HDGFL2: variants seen among roughly 807,000 people sequenced by gnomAD.
HDGFL2 encodes the protein HDGF like 2.
Under a neutral mutation model 77.1 loss-of-function variants are expected in HDGFL2, and 36 were observed. The observed-to-expected ratio is 0.47, with a 90% CI of 0.36 to 0.62. The LOEUF is 0.62. Among genes scored for constraint, HDGFL2 ranks in the 20% least tolerant of loss-of-function variants. The probability of loss-of-function intolerance (pLI) is 0.00; values close to 1 mark genes in which losing one functional copy is unlikely to be tolerated. For synonymous variants in HDGFL2, 463 were observed against 413.1 expected, an observed-to-expected ratio of 1.12 and a Z score of -1.46; for missense variants, 976 against 973.4, an observed-to-expected ratio of 1.00 and a Z score of -0.04.
In HDGFL2 at chr19:4,493,998, G is replaced by A. The variant is rs910171934; in HGVS notation, c.855G>A (p.Pro285=). ...RGRKPAEKPL[P]KPRGRKPKPE... is the part of the protein sequence containing the mutation. ...TTCCTGTAGCGGAGAAGCCTCTCCCGAAGCCGCGAGGGCGGAAACCGAAGC... is the reference window on the plus strand; with the variant it reads ...TTCCTGTAGCGGAGAAGCCTCTCCCAAAGCCGCGAGGGCGGAAACCGAAGC... The change falls in exon 8 of 16, where the codon CCG becomes CCA. Residue 285 remains proline (P), a synonymous_variant. Transcript: ENST00000616600. 5 of 1,610,978 alleles carry A rather than the reference G, an allele frequency of 3.1e-6. No homozygotes were observed. The highest frequency in any genetic ancestry group is 4.5e-5 in the East Asian group (2 of 44,762).
chr19:4,501,973 C>G lies in HDGFL2; in HGVS notation c.1979C>G (p.Ala660Gly). ...AGCGACCGGCAGGAGCGCGAGAGGGCACGGGGGGACTCGGAGGCCCTGGAC... is the reference window on the plus strand; with the variant it reads ...AGCGACCGGCAGGAGCGCGAGAGGGGACGGGGGGACTCGGAGGCCCTGGAC... ...PGSDRQERER[A>G]RGDSEALDEE... Residue 660 changes from alanine to glycine, a missense_variant, in exon 16 of 16, where the codon GCA becomes GGA. Physicochemically the swap from Ala to Gly is moderately conservative, Grantham distance 60 (BLOSUM62 0). Transcript: ENST00000616600. 1 of 1,512,262 alleles carries G rather than the reference C, an allele frequency of 6.6e-7. No individual in the cohort carries two copies. The highest frequency in any genetic ancestry group is 1.3e-5 in the South Asian group (1 of 79,294). The allele number at this position is 1,512,262 out of a possible 1,614,324, so 93.7% of individuals were successfully genotyped here.
In HDGFL2 at chr19:4,498,374, C is replaced by T; in HGVS notation, c.1471C>T (p.Pro491Ser). 3 of 1,612,246 alleles carry T rather than the reference C, an allele frequency of 1.9e-6. 1 individual carries two copies. The highest frequency in any genetic ancestry group is 2.5e-6 in the Non-Finnish European group (3 of 1,178,626). The change falls in exon 12 of 16, where the codon CCG becomes TCG. Residue 491 changes from proline (P) to serine (S), a missense_variant and splice_region_variant. Physicochemically the swap from Pro to Ser is moderately conservative, Grantham distance 74 (BLOSUM62 -1). Around this residue, in one of 5 missense-constraint regions of HDGFL2, gnomAD observed 46 missense variants for 81.3 expected, o/e 0.57. Coordinates refer to ENST00000616600, the MANE Select transcript of HDGFL2 (RefSeq NM_001001520.3). ...CAAGTTTGCCCTAAAGGTCGACAGCCCGGTAAGACCCTCAGGGCCTGTGAG... is the reference window on the plus strand; with the variant it reads ...CAAGTTTGCCCTAAAGGTCGACAGCTCGGTAAGACCCTCAGGGCCTGTGAG... ...EIKFALKVDS[P>S]DVKRCLNALE...
intron 1 of HDGFL2, among the ~76,000 whole-genome samples, chr19:4,473,880 G>A (rs777550512): frequency 3.4e-4 from 52 of 151,946 alleles, no homozygotes; most frequent in Non-Finnish European, 6.9e-4. Context: ...TGCTTGAAAT[G>A]GAGACAGGCC....
chr19:4,475,689 C>A, intron 3 of HDGFL2, 106 bp downstream of exon 3: 1 of 1,359,100 alleles, frequency 7.4e-7, no homozygotes, highest in Non-Finnish European at 9.7e-7. Flanking sequence ...GGGGCTCGAT[C>A]GTTCCCTGTG....
intron 13 of HDGFL2, among the ~76,000 whole-genome samples, chr19:4,499,277 C>T (rs531440031): frequency 3.3e-5 from 5 of 151,280 alleles, no homozygotes; most frequent in Non-Finnish European, 7.4e-5. Flanking sequence ...AGCTGGGAGG[C>T]GGAGGTTGCA....
chr19:4,472,539 C>A, intron 1 of HDGFL2, 117 bp downstream of exon 1: 2 of 257,046 alleles, frequency 7.8e-6, no homozygotes, highest in Non-Finnish European at 5.9e-6. Flanking sequence ...AGCTGCGCCC[C>A]GGGGGTCTGG....
At chr19:4,493,519 G>A (rs1002955530) in intron 6 of HDGFL2, among the ~76,000 whole-genome samples, 184 bp from the exon 7 acceptor site, 1 of 152,112 alleles carries the variant, frequency 6.6e-6, no homozygotes, top group African/African-American at 2.4e-5. Context: ...GGCCGCCTGG[G>A]ATCCCGGTTT....
rs750243070 is a variant in HDGFL2 at position 4,499,508 on chromosome 19, G to C, written c.1593G>C (p.Ala531=). ...ATLKKIRRYK[A]NKDVMEKAAE... is the part of the protein sequence containing the mutation. ...GTGGCCAGATTCGCCGTTACAAAGC[G>C]AACAAGGACGTAATGGAGAAGGCAG... The change falls in exon 14 of 16, where the codon GCG becomes GCC. Residue 531 remains alanine, a synonymous_variant. Coordinates refer to ENST00000616600, the MANE Select transcript of HDGFL2 (RefSeq NM_001001520.3). 2 of 1,613,536 alleles carry C rather than the reference G, an allele frequency of 1.2e-6. No homozygotes were observed. The highest frequency in any genetic ancestry group is 1.7e-6 in the Non-Finnish European group (2 of 1,179,936).
chr19:4,497,489 G>A, intron 10 of HDGFL2: 1 of 304,884 alleles, frequency 3.3e-6, no homozygotes, highest in Admixed American at 4.8e-5. Context: ...GAGCCACCGT[G>A]CTTGGTCCCC....
intron 15 of HDGFL2, chr19:4,501,605 G>A (rs1430673797): frequency 8.3e-6 from 4 of 479,142 alleles, no homozygotes; most frequent in African/African-American, 2.0e-5. Context: ...TAGGCCCCGA[G>A]CACGGGCACC....
chr19:4,495,077 G>T (rs549834530), intron 9 of HDGFL2, among the ~76,000 whole-genome samples: 5 of 152,242 alleles, frequency 3.3e-5, no homozygotes, highest in African/African-American at 1.2e-4. Context: ...AAAGGCTTGC[G>T]TTTGGGTTTA....
chr19:4,482,856 G>A (rs1975254691), intron 3 of HDGFL2, among the ~76,000 whole-genome samples: 1 of 152,084 alleles, frequency 6.6e-6, no homozygotes, highest in African/African-American at 2.4e-5. Context: ...TCCTGGGTTC[G>A]TGGCACTCAC....
chr19:4,499,382 T>C, intron 13 of HDGFL2, 109 bp from the exon 14 acceptor site: 1 of 870,888 alleles, frequency 1.1e-6, no homozygotes, highest in Non-Finnish European at 1.8e-6. Context: ...CACAGAGCTG[T>C]GCTCCCGGGA....
chr19:4,484,390 A>T (rs1975305238), intron 3 of HDGFL2, among the ~76,000 whole-genome samples: 1 of 151,830 alleles, frequency 6.6e-6, no homozygotes, highest in Admixed American at 6.6e-5. Flanking sequence ...GGCCTGTTTT[A>T]TTATTATTTT....
intron 12 of HDGFL2, among the ~76,000 whole-genome samples, chr19:4,498,585 C>T (rs544677058): frequency 5.3e-5 from 8 of 152,236 alleles, no homozygotes; most frequent in South Asian, 2.1e-4. Context: ...GCTTTCCCGG[C>T]AGGTGGTGTG....
Position 4,494,428 on chromosome 19 carries a change from C to T in HDGFL2, c.1177C>T (p.Pro393Ser), listed in dbSNP as rs1455021823. 1.4e-6 allele frequency: 2 copies of T among 1,405,856 alleles called. No homozygotes were observed. Among genetic ancestry groups the T allele is most frequent in the Non-Finnish European group, 1.8e-6 (2 of 1,085,420 alleles). The allele number at this position is 1,405,856 out of a possible 1,614,324, so 87.1% of individuals were successfully genotyped here. ...GGGACGCAAGGGCCGGGGCCGGGGTCCCCCGTCCTCCTCTGACTCCGAGCC... is the reference window on the plus strand; with the variant it reads ...GGGACGCAAGGGCCGGGGCCGGGGTTCCCCGTCCTCCTCTGACTCCGAGCC... ...KRGRKGRGRG[P>S]PSSSDSEPEA... The change falls in exon 9 of 16, where the codon CCC (proline) becomes TCC (serine). Residue 393 changes from proline to serine, a missense_variant. Around this residue, in one of 5 missense-constraint regions of HDGFL2, gnomAD observed 567 missense variants for 534.7 expected, o/e 1.06. Transcript: ENST00000616600.
At chr19:4,482,928 GGGAGCGACCAGGAA>G (rs1975257015) in intron 3 of HDGFL2, among the ~76,000 whole-genome samples, 1 of 152,088 alleles carries the variant, frequency 6.6e-6, no homozygotes, top group Non-Finnish European at 1.5e-5. Flanking sequence ...GCTGGGTGGA[GGGAGCGACCAGGAA>G]GGAGCCCGGG....
chr19:4,489,005 G>A, intron 4 of HDGFL2, 129 bp downstream of exon 4: 1 of 690,960 alleles, frequency 1.4e-6, no homozygotes, highest in South Asian at 1.9e-5. Flanking sequence ...CCAGGCTGGA[G>A]TGCAGTGGCG....
chr19:4,483,373 A>C (rs1415435717), intron 3 of HDGFL2, among the ~76,000 whole-genome samples: 3 of 152,172 alleles, frequency 2.0e-5, no homozygotes, highest in Non-Finnish European at 4.4e-5. Context: ...GACCAGGCTA[A>C]GCCTGGAGGG....
Sources: gnomAD v4.1 joint callset for allele counts (sites outside exome capture counted in the v4.1 genomes callset) on GRCh38, gnomAD v4.1.1 for gene constraint, gnomAD v4.1.1 regional missense constraint, MANE v1.5 for transcripts, NCBI Gene and HGNC (gene_info 2026-07-23, HGNC 2026-07-21) for gene names.